Variants in CNMD observed in about 807,000 individuals in gnomAD.
CNMD encodes the protein chondromodulin.
Under a neutral mutation model 37.5 loss-of-function variants are expected in CNMD, and 30 were observed. The ratio of observed to expected loss-of-function variants is 0.80; its 90% CI spans 0.60 to 1.09. The LOEUF (loss-of-function observed/expected upper bound fraction) is 1.09. CNMD is among the 50% of genes least tolerant of loss of function. CNMD has a pLI of 0.00. For synonymous variants in CNMD, 167 were observed against 148.2 expected, an observed-to-expected ratio of 1.13 and a Z score of -0.92; for missense variants, 398 against 423.9, an observed-to-expected ratio of 0.94 and a Z score of 0.54.
At chr13:52,730,916 C>G (rs541008842) in intron 3 of CNMD, among the ~76,000 whole-genome samples, 2 of 152,162 alleles carry the variant, frequency 1.3e-5, no homozygotes, top group Admixed American at 1.3e-4. Context: ...CTGGACGAAC[C>G]GGGGAGACTG....
intron 3 of CNMD, among the ~76,000 whole-genome samples, chr13:52,728,489 C>T (rs1034971442): frequency 6.6e-6 from 1 of 152,186 alleles, no homozygotes; most frequent in Admixed American, 6.5e-5. Flanking sequence ...GCATTTCTAA[C>T]AAGCCAAGTG....
In CNMD at chr13:52,739,158, A is replaced by G. The variant is rs767811151; in HGVS notation, c.86T>C (p.Leu29Pro). 1.1e-5 allele frequency: 16 copies of G among 1,510,800 alleles called. 1 individual carries two copies. The South Asian group carries it at 1.8e-4, about 17-fold the overall frequency. The allele number at this position is 1,510,800 out of a possible 1,614,324, so 93.6% of individuals were successfully genotyped here. A position where few individuals can be genotyped will look rare whatever the true frequency, so the allele number is the denominator to read the frequency against. The change falls in exon 2 of 7, where the codon CTG becomes CCG. Residue 29 changes from leucine (L) to proline (P), a missense_variant. Leu to Pro is a moderately conservative substitution (Grantham distance 98). Coordinates refer to ENST00000377962, the MANE Select transcript of CNMD (RefSeq NM_007015.3). The surrounding 1 kb of genome is among the most constrained non-coding windows in gnomAD (Gnocchi z 5.4). ...CGCGGGGCTGGAGGGCTTCACCGTC[A>G]GCGTAGCGTACGCCTGCGGGCCGGG... The part of the protein sequence containing the change: ...EFCSPPAYAT[L>P]TVKPSSPARL...
intron 3 of CNMD, among the ~76,000 whole-genome samples, chr13:52,727,078 C>G (rs1276328005): frequency 6.6e-6 from 1 of 151,952 alleles, no homozygotes; most frequent in Admixed American, 6.6e-5. Context: ...CCAGCCTGGC[C>G]AACTATAAAC....
rs868055725 is a variant in CNMD at position 52,712,745 on chromosome 13, A to G, written c.593T>C (p.Ile198Thr). The change falls in exon 5 of 7, where the codon ATT becomes ACT. Residue 198 changes from isoleucine to threonine, a missense_variant. Physicochemically the swap from Ile to Thr is moderately conservative, Grantham distance 89. Coordinates refer to ENST00000377962, the MANE Select transcript of CNMD (RefSeq NM_007015.3). ...KVLELCGDLP[I>T]FWLKPTYPKE... ...TGGATAGGTTGGTTTAAGCCAGAAA[A>G]TAGGAAGGTCACCGCAGAGTTCTAA... The G allele has an allele frequency of 6.5e-7, 1 of 1,535,360 alleles. No individual in the cohort carries two copies. Among genetic ancestry groups the G allele is most frequent in the Middle Eastern group, 1.7e-4 (1 of 5,816 alleles).
rs1465237963 is a variant in CNMD, at chr13:52,739,358, G to T, written c.73-187C>A. The stretch of plus-strand genomic sequence containing the variant: ...CGAGGGTCCTTTGCAGTCGGGCGTG[G>T]AAGTGGGATGAGCAAACCCCGCAGC... On this transcript the variant is annotated intron_variant, in intron 1 of 6. Transcript: ENST00000377962. This position sits in a 1 kb window ranked among gnomAD's most constrained non-coding sequence, Gnocchi z 5.4. The T allele has an allele frequency of 9.5e-6, 7 of 734,290 alleles. No individual in the cohort carries two copies. The highest frequency in any genetic ancestry group is 1.5e-5 in the Non-Finnish European group (7 of 469,208). 45.5% of individuals were successfully genotyped at this position (734,290 alleles called of 1,614,324 possible).
chr13:52,722,707 T>C (rs1964504041), intron 4 of CNMD, among the ~76,000 whole-genome samples: 1 of 152,226 alleles, frequency 6.6e-6, no homozygotes, highest in Non-Finnish European at 1.5e-5. Context: ...GGTATTACTG[T>C]TAAATGTGTC....
At chr13:52,730,442 G>A (rs575063262) in intron 3 of CNMD, among the ~76,000 whole-genome samples, 9 of 152,018 alleles carry the variant, frequency 5.9e-5, no homozygotes, top group South Asian at 4.2e-4. Context: ...CCCACCAACA[G>A]TGTAAAAGTG....
intron 5 of CNMD, among the ~76,000 whole-genome samples, chr13:52,711,596 A>C (rs933841058): frequency 5.9e-5 from 9 of 152,296 alleles, no homozygotes; most frequent in Non-Finnish European, 1.2e-4. Flanking sequence ...CCCAGGCTGG[A>C]GAGGAGCCAT....
intron 2 of CNMD, among the ~76,000 whole-genome samples, chr13:52,734,664 A>G (rs1331827987): frequency 1.3e-5 from 2 of 151,918 alleles, no homozygotes; most frequent in Non-Finnish European, 2.9e-5. Context: ...ATATATACAC[A>G]TATATATAAA....
In CNMD at chr13:52,733,327, A is replaced by G. The variant is rs200438226; in HGVS notation, c.246T>C (p.Asn82=). The change falls in exon 3 of 7, where the codon AAT becomes AAC. Residue 82 remains asparagine, a synonymous_variant. Coordinates refer to ENST00000377962, the MANE Select transcript of CNMD (RefSeq NM_007015.3). ...IYNVHYTMSI[N]GKLQDGSMEI... is the part of the protein sequence containing the mutation. ...CCATTGACCCATCTTGTAATTTCCC[A>G]TTGATACTCATGGTGTAATGGACAT... 8.7e-6 allele frequency: 14 copies of G among 1,613,912 alleles called. No homozygotes were observed. The highest frequency in any genetic ancestry group is 1.1e-5 in the Non-Finnish European group (13 of 1,179,782).
In CNMD at chr13:52,712,795, G is replaced by A; in HGVS notation, c.543C>T (p.Asp181=). The part of the protein sequence containing the change: ...IWVAVDQPVK[D]NSFLSSKVLE... ...ACACCTTAGAACTCAAGAAGCTGTT[G>A]TCCTTCACAGGCTGATCTACAGCCA... The change falls in exon 5 of 7, where the codon GAC becomes GAT. Residue 181 remains aspartate, a synonymous_variant. Transcript: ENST00000377962. The A allele has an allele frequency of 6.3e-7, 1 of 1,597,302 alleles. No homozygotes were observed. Among genetic ancestry groups the A allele is most frequent in the East Asian group, 2.3e-5 (1 of 44,430 alleles).
At chr13:52,705,049 ACT>A (rs1421970956) in intron 6 of CNMD, among the ~76,000 whole-genome samples, 2 of 113,856 alleles carry the variant, frequency 1.8e-5, no homozygotes, top group Non-Finnish European at 3.5e-5. Flanking sequence ...CAAGAGTGAA[ACT>A]CTGTCTTGGA....
At chr13:52,735,770 G>A (rs551464096) in intron 2 of CNMD, among the ~76,000 whole-genome samples, 1 of 151,346 alleles carries the variant, frequency 6.6e-6, no homozygotes, top group South Asian at 2.1e-4. Flanking sequence ...CCGCATGCAG[G>A]ACCACAGATT....
At chr13:52,708,752 T>A in intron 5 of CNMD, 50 bp from the exon 6 acceptor site, 2 of 1,420,932 alleles carry the variant, frequency 1.4e-6, no homozygotes, top group South Asian at 2.6e-5. Context: ...ATTAAGGAAA[T>A]TAGATCTGTG....
intron 2 of CNMD, among the ~76,000 whole-genome samples, chr13:52,736,411 G>T (rs1338267290): frequency 3.9e-5 from 6 of 152,182 alleles, no homozygotes; most frequent in African/African-American, 1.4e-4. Context: ...TTACAGACGT[G>T]AGCCACCACG....
chr13:52,733,884 G>T (rs1235331289), intron 2 of CNMD, among the ~76,000 whole-genome samples: 4 of 152,196 alleles, frequency 2.6e-5, no homozygotes, highest in Non-Finnish European at 5.9e-5. Context: ...TCAAGATTAG[G>T]CATGCAGTGT....
chr13:52,708,375 G>A (rs574498633), intron 6 of CNMD, among the ~76,000 whole-genome samples, 161 bp downstream of exon 6: 22 of 152,014 alleles, frequency 1.4e-4, no homozygotes, highest in African/African-American at 5.3e-4. Flanking sequence ...TAGAGACAGG[G>A]TTTCACCATG....
intron 6 of CNMD, among the ~76,000 whole-genome samples, chr13:52,707,924 A>G (rs1964214516): frequency 6.6e-6 from 1 of 151,894 alleles, no homozygotes; most frequent in South Asian, 2.1e-4. Flanking sequence ...CCTGCCCAAC[A>G]TGGTGAAACC....
At chr13:52,737,662 C>CATTG (rs1363558857) in intron 2 of CNMD, among the ~76,000 whole-genome samples, 2 of 152,130 alleles carry the variant, frequency 1.3e-5, no homozygotes, top group Non-Finnish European at 2.9e-5. Flanking sequence ...TGACCTATAC[C>CATTG]ATTGAGGCTT....
Sources: gnomAD v4.1 joint callset for allele counts (sites outside exome capture counted in the v4.1 genomes callset) on GRCh38, gnomAD v4.1.1 for gene constraint, Gnocchi (gnomAD v3.1) non-coding constraint, MANE v1.5 for transcripts, NCBI Gene and HGNC (gene_info 2026-07-23, HGNC 2026-07-21) for gene names.